CHRNA3: variants seen among roughly 807,000 people sequenced by gnomAD.
The protein encoded by CHRNA3 is cholinergic receptor nicotinic alpha 3 subunit, also known as neuronal acetylcholine receptor subunit alpha-3.
A neutral mutation model predicts 41.9 loss-of-function variants in CHRNA3; 34 were observed. The ratio of observed to expected loss-of-function variants is 0.81; its 90% CI spans 0.62 to 1.08. The LOEUF (loss-of-function observed/expected upper bound fraction) is 1.08, where lower values mean the gene tolerates loss of function less well. Ranked by LOEUF, CHRNA3 falls within the 50% of genes least tolerant of loss-of-function variation. The pLI, the probability that CHRNA3 is intolerant of heterozygous loss-of-function variation, is 0.00. For synonymous variants in CHRNA3, 281 were observed against 265.2 expected (o/e 1.06, Z -0.58); for missense variants, 542 against 638.3 (o/e 0.85, Z 1.63).
chr15:78,620,690 A>G (rs2053536104), intron 1 of CHRNA3, 23 bp downstream of exon 1: 19 of 1,502,840 alleles, frequency 1.3e-5, no homozygotes, highest in Admixed American at 2.1e-5. Flanking sequence ...GTCCCTCCGG[A>G]GCCCTAACGC....
intron 4 of CHRNA3, among the ~76,000 whole-genome samples, chr15:78,604,994 CAG>C (rs949108708): frequency 2.1e-5 from 2 of 96,254 alleles, no homozygotes; most frequent in African/African-American, 8.2e-5. Context: ...GCCTGGGTGA[CAG>C]AGTGAGATTC....
chr15:78,604,867 G>T (rs1298702980), intron 4 of CHRNA3, among the ~76,000 whole-genome samples: 2 of 152,106 alleles, frequency 1.3e-5, no homozygotes, highest in African/African-American at 4.8e-5. Flanking sequence ...ACAAAAATTA[G>T]CCAGGTGTGG....
At position 78,601,271 on chromosome 15, in the gene CHRNA3, T is replaced by A; in HGVS notation, c.1371A>T (p.Ala457=). The change falls in exon 5 of 6, where the codon GCA becomes GCT. Residue 457 remains alanine (A), a synonymous_variant. Coordinates refer to ENST00000326828, the MANE Select transcript of CHRNA3 (RefSeq NM_000743.5). ...TCCTTACCTCTTTGGCTTCATTTTG[T>A]GCTTTCATATTTTCAGCAATATACT... ...SVKYIAENMK[A]QNEAKEIQDD... 1.2e-6 allele frequency: 2 copies of A among 1,613,244 alleles called. No homozygotes were observed. The highest frequency in any genetic ancestry group is 8.5e-7 in the Non-Finnish European group (1 of 1,179,400).
intron 5 of CHRNA3, among the ~76,000 whole-genome samples, chr15:78,597,114 T>C (rs1016299317): frequency 3.3e-5 from 5 of 152,214 alleles, no homozygotes; most frequent in African/African-American, 1.2e-4. Context: ...TCTACCATTG[T>C]TTCAAAGTAC....
At chr15:78,609,782 G>A (rs1567085094) in intron 4 of CHRNA3, among the ~76,000 whole-genome samples, 1 of 152,142 alleles carries the variant, frequency 6.6e-6, no homozygotes, top group Non-Finnish European at 1.5e-5. Flanking sequence ...ACACAGACTA[G>A]CAAATTGGAT....
At chr15:78,597,923 CACT>C (rs1461716488) in intron 5 of CHRNA3, among the ~76,000 whole-genome samples, 3 of 152,148 alleles carry the variant, frequency 2.0e-5, no homozygotes, top group African/African-American at 7.2e-5. Flanking sequence ...CTCTTGGTGA[CACT>C]ACTGTCATAG....
At chr15:78,613,796 A>T (rs78035658) in intron 4 of CHRNA3, among the ~76,000 whole-genome samples, 5,327 of 151,230 alleles carry the variant, frequency 0.035, 336 homozygotes, top group African/African-American at 0.12. Context: ...CCACAAAAAA[A>T]TTAGCCAGGC....
chr15:78,620,697 A>T lies in CHRNA3; in HGVS notation c.82+16T>A, dbSNP rs1485975526. The T allele has an allele frequency of 6.7e-7, 1 of 1,502,478 alleles. No homozygotes were observed. The highest frequency in any genetic ancestry group is 1.5e-5 in the African/African-American group (1 of 68,446). 93.1% of individuals were successfully genotyped at this position (1,502,478 alleles called of 1,614,324 possible). On this transcript the variant is annotated intron_variant, in intron 1 of 5. Transcript: ENST00000326828. The stretch of plus-strand genomic sequence containing the variant: ...GGGCGCCCGTCCCTCCGGAGCCCTA[A>T]CGCCTGTGCGCGTACCTGGCAGCAG...
At chr15:78,617,463 A>AT (rs2053481209) in intron 3 of CHRNA3, among the ~76,000 whole-genome samples, 1 of 152,060 alleles carries the variant, frequency 6.6e-6, no homozygotes, top group Admixed American at 6.5e-5. Context: ...TTCATGCATC[A>AT]TGTCCAGGTC....
At chr15:78,617,533 C>G (rs541332574) in intron 3 of CHRNA3, among the ~76,000 whole-genome samples, 78 of 152,302 alleles carry the variant, frequency 5.1e-4, no homozygotes, top group African/African-American at 1.8e-3. Context: ...CATAGACACT[C>G]TTTCACCCCA....
At chr15:78,618,508 G>A in intron 3 of CHRNA3, 109 bp downstream of exon 3, 2 of 1,303,002 alleles carry the variant, frequency 1.5e-6, no homozygotes, top group Non-Finnish European at 2.2e-6. Flanking sequence ...CCCAATCTGG[G>A]TTCCACAGAA....
chr15:78,594,610 G>GGAGGCTGCAGTGAGCC (rs1193859376), downstream of CHRNA3: 1 of 152,302 alleles, frequency 6.6e-6, no homozygotes, highest in Admixed American at 6.5e-5. Context: ...CCTGGGAGGT[G>GGAGGCTGCAGTGAGCC]GAGGCTGCAG....
intron 4 of CHRNA3, 69 bp downstream of exon 4, chr15:78,616,955 C>G (rs553924615): frequency 9.4e-7 from 1 of 1,063,384 alleles, no homozygotes; most frequent in South Asian, 1.4e-5. Context: ...AGGTTTTAAG[C>G]ACAGTGGGCC....
At chr15:78,609,595 G>A (rs1020054554) in intron 4 of CHRNA3, among the ~76,000 whole-genome samples, 1 of 152,098 alleles carries the variant, frequency 6.6e-6, no homozygotes, top group Non-Finnish European at 1.5e-5. Flanking sequence ...ACATGGAAAG[G>A]AACAACTGGT....
rs2053120895 is a variant in CHRNA3, at chr15:78,596,840, T to C, written c.1390-108A>G. 4 of 1,433,124 alleles carry C rather than the reference T, an allele frequency of 2.8e-6. No individual in the cohort carries two copies. In the South Asian group the frequency reaches 4.6e-5, roughly 17 times the overall value. The allele number at this position is 1,433,124 out of a possible 1,614,324, so 88.8% of individuals were successfully genotyped here. On this transcript the variant is annotated intron_variant, in intron 5 of 5. Coordinates refer to ENST00000326828, the MANE Select transcript of CHRNA3 (RefSeq NM_000743.5). ...ACGTTGCAGTAGAAGCCATTTTGTC[T>C]CTAATATGTAAGAAGCCCTTTTTTT...
chr15:78,606,622 G>C (rs2053291674), intron 4 of CHRNA3, among the ~76,000 whole-genome samples: 1 of 151,934 alleles, frequency 6.6e-6, no homozygotes, highest in Non-Finnish European at 1.5e-5. Flanking sequence ...GAGGCCAGGG[G>C]TGGTGGCTCA....
intron 4 of CHRNA3, among the ~76,000 whole-genome samples, chr15:78,616,063 G>T (rs953744651): frequency 3.4e-4 from 39 of 114,316 alleles, no homozygotes; most frequent in African/African-American, 1.2e-3. Flanking sequence ...TTTTTAAAAA[G>T]CTCATTGGGG....
At chr15:78,607,168 G>A (rs1485384448) in intron 4 of CHRNA3, among the ~76,000 whole-genome samples, 3 of 149,008 alleles carry the variant, frequency 2.0e-5, no homozygotes, top group Admixed American at 1.4e-4. Flanking sequence ...GGCAGAGATT[G>A]CAGTGAGCCA....
intron 4 of CHRNA3, among the ~76,000 whole-genome samples, chr15:78,605,042 T>G (rs990926748): frequency 1.3e-5 from 2 of 152,032 alleles, no homozygotes; most frequent in Admixed American, 6.6e-5. Flanking sequence ...CAGAGATAGC[T>G]GGCAGCAAGG....
Sources: allele counts gnomAD v4.1 joint callset (sites outside exome capture counted in the v4.1 genomes callset), GRCh38; gene constraint gnomAD v4.1.1; transcripts MANE v1.5; gene names NCBI Gene and HGNC (gene_info 2026-07-23, HGNC 2026-07-21).